Variants in PKHD1 observed in about 807,000 individuals in gnomAD.
PKHD1 encodes the protein fibrocystin.
A neutral mutation model predicts 412.0 loss-of-function variants in PKHD1; 291 were observed. The observed-to-expected ratio is 0.71, with a 90% confidence interval of 0.64 to 0.78. PKHD1 has a LOEUF of 0.78. Among genes scored for constraint, PKHD1 ranks in the 30% least tolerant of loss-of-function variants. The pLI is 0.00. For missense variants in PKHD1, 4,825 were observed against 4,950.7 expected (o/e 0.97, Z 0.76); for synonymous variants, 1,777 against 1,821.5 (o/e 0.98, Z 0.62).
intron 37 of PKHD1, among the ~76,000 whole-genome samples, chr6:51,920,399 T>A (rs537363113): frequency 6.6e-6 from 1 of 152,342 alleles, no homozygotes; most frequent in African/African-American, 2.4e-5. Context: ...GGTTTTTGTC[T>A]TTGGTTCGGT....
chr6:51,880,548 T>A (rs1346605571), intron 46 of PKHD1, among the ~76,000 whole-genome samples: 21 of 8,782 alleles, frequency 2.4e-3, no homozygotes, highest in South Asian at 0.011. Flanking sequence ...TTCTCACTCA[T>A]AGGTGGGAAT....
At chr6:51,852,575 C>A (rs1772476426) in intron 49 of PKHD1, among the ~76,000 whole-genome samples, 1 of 152,158 alleles carries the variant, frequency 6.6e-6, no homozygotes, top group Admixed American at 6.5e-5. Flanking sequence ...TTTTATCAAT[C>A]TGGGTGCTCC....
chr6:51,963,904 T>C (rs1792433082), intron 35 of PKHD1, among the ~76,000 whole-genome samples: 1 of 152,112 alleles, frequency 6.6e-6, no homozygotes. Context: ...TTAGCTTTAG[T>C]GTTCTTCCTG....
At chr6:52,040,441 C>G (rs1220393928) in intron 27 of PKHD1, among the ~76,000 whole-genome samples, 1 of 152,148 alleles carries the variant, frequency 6.6e-6, no homozygotes. Flanking sequence ...TGTGAGTTCT[C>G]ACACAGCAGC....
chr6:51,774,925 C>G (rs1429153442), intron 54 of PKHD1, among the ~76,000 whole-genome samples: 2 of 151,466 alleles, frequency 1.3e-5, no homozygotes, highest in Non-Finnish European at 3.0e-5. Context: ...ATTTTTTTCT[C>G]ACTTATATAA....
chr6:51,809,024 T>C (rs1764271537), intron 52 of PKHD1, among the ~76,000 whole-genome samples: 1 of 152,050 alleles, frequency 6.6e-6, no homozygotes, highest in African/African-American at 2.4e-5. Context: ...CAGAAAACTA[T>C]GAAAGAGATA....
intron 32 of PKHD1, among the ~76,000 whole-genome samples, chr6:52,023,313 T>C (rs941993091): frequency 3.9e-5 from 6 of 152,206 alleles, no homozygotes; most frequent in Admixed American, 1.3e-4. Context: ...ATAGAGTTTC[T>C]TATGGCTCCT....
intron 52 of PKHD1, among the ~76,000 whole-genome samples, chr6:51,821,052 A>G (rs1766336636): frequency 1.3e-5 from 2 of 152,114 alleles, no homozygotes; most frequent in African/African-American, 4.8e-5. Flanking sequence ...GTACTTCCCA[A>G]CCCCAACCAG....
chr6:51,748,368 A>G lies in PKHD1; in HGVS notation c.9248T>C (p.Val3083Ala), dbSNP rs568994020. 1.2e-6 allele frequency: 2 copies of G among 1,614,044 alleles called. No homozygotes were observed. Among genetic ancestry groups the G allele is most frequent in the African/African-American group, 2.7e-5 (2 of 75,028 alleles). Reference protein sequence around the residue: ...WSTIWVAGIKVNQVKDINLHG... With the variant: ...WSTIWVAGIKANQVKDINLHG... ...GAGGTTGATGTCCTTTACCTGGTTCACTTTGATTCCCGCCACCCAAATGGT... is the reference window on the plus strand; with the variant it reads ...GAGGTTGATGTCCTTTACCTGGTTCGCTTTGATTCCCGCCACCCAAATGGT... Residue 3083 changes from valine (V) to alanine (A), a missense_variant, in exon 58 of 67, where the codon GTG (valine) becomes GCG (alanine). By Grantham distance (64) the Val-to-Ala change is moderately conservative. Coordinates refer to ENST00000371117, the MANE Select transcript of PKHD1 (RefSeq NM_138694.4).
chr6:51,820,348 G>A (rs1174476798), intron 52 of PKHD1, among the ~76,000 whole-genome samples: 2 of 152,142 alleles, frequency 1.3e-5, no homozygotes, highest in South Asian at 4.1e-4. Context: ...AGATTCCAGG[G>A]GAGGGCAGGA....
At chr6:51,682,118 A>C (rs1776755402) in intron 60 of PKHD1, 1 of 422,508 alleles carries the variant, frequency 2.4e-6, no homozygotes, top group Admixed American at 2.6e-5. Flanking sequence ...GGATGTCAGT[A>C]CTCTGATGGA....
Position 51,721,779 on chromosome 6 carries a change from T to TTTTGTATTTC in PKHD1, c.10156+22596_10156+22605dup, listed in dbSNP as rs1781954752. 2.1e-6 allele frequency: 3 copies of TTTTGTATTTC among 1,426,872 alleles called. No individual in the cohort carries two copies. In the Admixed American group the frequency reaches 8.5e-5, roughly 40 times the overall value. 88.4% of individuals were successfully genotyped at this position (1,426,872 alleles called of 1,614,324 possible). A position where few individuals can be genotyped will look rare whatever the true frequency, so the allele number is the denominator to read the frequency against. ...GAGTAAGCAAACTCTATTTCCTCTC[T>TTTTGTATTTC]TTTGTATTTCTTTGATCTGTACCAT... is the stretch of plus-strand genomic sequence containing the variant. On this transcript the variant is annotated intron_variant, in intron 60 of 66. Coordinates refer to ENST00000371117, the MANE Select transcript of PKHD1 (RefSeq NM_138694.4).
chr6:51,625,057 T>A lies in PKHD1; in HGVS notation c.11785+1940A>T, dbSNP rs372063107. 5.3e-5 allele frequency among the ~76,000 whole-genome samples: 8 copies of A among 152,298 alleles called. No individual in the cohort carries two copies. The South Asian group carries it at 1.7e-3, about 32-fold the overall frequency. On this transcript the variant is annotated intron_variant, in intron 66 of 66. Coordinates refer to ENST00000371117, the MANE Select transcript of PKHD1 (RefSeq NM_138694.4). The stretch of plus-strand genomic sequence containing the variant: ...AATAGGAGGGATGTATACTTTACTA[T>A]CTTCTTCCCCCATCACAACTTTCTA...
intron 35 of PKHD1, among the ~76,000 whole-genome samples, chr6:51,992,224 C>A (rs1216371533): frequency 6.6e-6 from 1 of 152,170 alleles, no homozygotes; most frequent in East Asian, 1.9e-4. Context: ...AATGTTACCC[C>A]TTCCCATTAT....
intron 45 of PKHD1, among the ~76,000 whole-genome samples, chr6:51,883,476 T>C (rs1322505043): frequency 1.3e-5 from 2 of 152,168 alleles, no homozygotes; most frequent in Admixed American, 6.5e-5. Flanking sequence ...AAAAGATCAA[T>C]ATGAATTCTC....
intron 35 of PKHD1, among the ~76,000 whole-genome samples, chr6:52,001,682 C>T (rs573889879): frequency 9.9e-5 from 15 of 152,090 alleles, no homozygotes; most frequent in African/African-American, 3.1e-4. Context: ...CTGCCCACGT[C>T]GGCCTCCCAA....
At chr6:51,971,508 T>A (rs183559663) in intron 35 of PKHD1, among the ~76,000 whole-genome samples, 74 of 152,280 alleles carry the variant, frequency 4.9e-4, no homozygotes, top group Non-Finnish European at 3.7e-4. Flanking sequence ...TAAGACCTGA[T>A]GCAGACCTTT....
At position 52,044,283 on chromosome 6, in the gene PKHD1, G is replaced by T. The variant is rs143535598; in HGVS notation, c.2716-553C>A. 2.9e-3 allele frequency among the ~76,000 whole-genome samples: 437 copies of T among 152,228 alleles called. 3 individuals carry two copies. Among genetic ancestry groups the T allele is most frequent in the African/African-American group, 0.01 (424 of 41,548 alleles). ...TCTAATAGAACTCAAAAACTACTTG[G>T]AAATGAGAAAGGTAAAAAAGATGTG... On this transcript the variant is annotated intron_variant, in intron 25 of 66. Transcript: ENST00000371117.
intron 34 of PKHD1, 34 bp downstream of exon 34, chr6:52,017,376 T>C: frequency 7.0e-7 from 1 of 1,433,932 alleles, no homozygotes; most frequent in Non-Finnish European, 9.8e-7. Flanking sequence ...CAAGCATTTG[T>C]GGGGAAGTTC....
Sources: gnomAD v4.1 joint callset for allele counts (sites outside exome capture counted in the v4.1 genomes callset) on GRCh38, gnomAD v4.1.1 for gene constraint, MANE v1.5 for transcripts, NCBI Gene and HGNC (gene_info 2026-07-23, HGNC 2026-07-21) for gene names.